ABCC4: variants seen among roughly 807,000 people sequenced by gnomAD.
ABCC4 encodes ATP-binding cassette sub-family C member 4.
ABCC4 carries 102 observed loss-of-function variants against 168.5 expected under a neutral mutation model. The ratio of observed to expected loss-of-function variants is 0.61; its 90% confidence interval spans 0.52 to 0.71. ABCC4 has a LOEUF of 0.71. Among genes scored for constraint, ABCC4 ranks in the 30% least tolerant of loss-of-function variants. The probability of loss-of-function intolerance (pLI) is 0.00; values close to 1 mark genes in which losing one functional copy is unlikely to be tolerated. For missense variants in ABCC4, 1,402 were observed against 1,605.8 expected (o/e 0.87, Z 2.17); for synonymous variants, 617 against 590.7 (o/e 1.04, Z -0.65).
intron 19 of ABCC4, among the ~76,000 whole-genome samples, chr13:95,159,472 A>C (rs997819219): frequency 6.6e-6 from 1 of 151,780 alleles, no homozygotes; most frequent in African/African-American, 2.4e-5. Flanking sequence ...TCCAAGATTT[A>C]GACTGGGTCC....
At chr13:95,092,203 C>T (rs1460209068) in intron 20 of ABCC4, among the ~76,000 whole-genome samples, 1 of 152,070 alleles carries the variant, frequency 6.6e-6, no homozygotes, top group Admixed American at 6.5e-5. Flanking sequence ...GACAGCAACA[C>T]AATAACAGTG....
intron 25 of ABCC4, among the ~76,000 whole-genome samples, chr13:95,065,339 A>T (rs953765858): frequency 6.6e-6 from 1 of 152,230 alleles, no homozygotes; most frequent in Non-Finnish European, 1.5e-5. Flanking sequence ...AAAAATAAAT[A>T]AATGCTGGCC....
chr13:95,170,942 A>C lies in ABCC4; in HGVS notation c.1728-314T>G, dbSNP rs139217238. ...ACTTAACTAAAACACTAATTATTTTATTGCCGTGTAGGATTGCAGGGGAGA... is the reference window on the plus strand; with the variant it reads ...ACTTAACTAAAACACTAATTATTTTCTTGCCGTGTAGGATTGCAGGGGAGA... On this transcript the variant is annotated intron_variant, in intron 13 of 30. Transcript: ENST00000645237. 2.7e-3 allele frequency among the ~76,000 whole-genome samples: 416 copies of C among 152,150 alleles called. 1 individual carries two copies. Among genetic ancestry groups the C allele is most frequent in the African/African-American group, 9.2e-3 (380 of 41,512 alleles).
chr13:95,120,760 C>T (rs973664701), intron 19 of ABCC4, among the ~76,000 whole-genome samples: 1 of 152,046 alleles, frequency 6.6e-6, no homozygotes, highest in African/African-American at 2.4e-5. Flanking sequence ...AGCAGTCTGT[C>T]CCAAAGAGCA....
At chr13:95,030,030 T>TCC (rs61282931) in intron 30 of ABCC4, among the ~76,000 whole-genome samples, 40 of 151,702 alleles carry the variant, frequency 2.6e-4, no homozygotes, top group Middle Eastern at 3.4e-3. Flanking sequence ...CATCCATCCA[T>TCC]ATTTTTTTGA....
chr13:95,273,416 T>A (rs1418844583), intron 1 of ABCC4, among the ~76,000 whole-genome samples: 2 of 152,152 alleles, frequency 1.3e-5, no homozygotes, highest in Non-Finnish European at 2.9e-5. Context: ...CCTGGCCCCT[T>A]CCCTCAGGTT....
intron 19 of ABCC4, among the ~76,000 whole-genome samples, chr13:95,124,926 A>T (rs2035705031): frequency 6.6e-6 from 1 of 151,780 alleles, no homozygotes; most frequent in Non-Finnish European, 1.5e-5. Context: ...ATAAAGGTAC[A>T]TCCTAACCCA....
At chr13:95,204,612 T>C (rs1283063162) in intron 8 of ABCC4, among the ~76,000 whole-genome samples, 2 of 152,222 alleles carry the variant, frequency 1.3e-5, no homozygotes, top group Non-Finnish European at 2.9e-5. Flanking sequence ...CCAACTATGC[T>C]GAACTGTGAG....
intron 14 of ABCC4, among the ~76,000 whole-genome samples, chr13:95,166,843 A>G (rs2037289264): frequency 1.3e-5 from 2 of 152,176 alleles, no homozygotes; most frequent in Admixed American, 1.3e-4. Context: ...TGTGGGAACC[A>G]GACTTGGACA....
At chr13:95,280,620 C>CAATT (rs2041096239) in intron 1 of ABCC4, among the ~76,000 whole-genome samples, 1 of 146,894 alleles carries the variant, frequency 6.8e-6, no homozygotes, top group Non-Finnish European at 1.5e-5. Flanking sequence ...AAGTCAAAGG[C>CAATT]AATTCCTTCC....
At chr13:95,226,305 G>A (rs932372073) in intron 4 of ABCC4, among the ~76,000 whole-genome samples, 2 of 151,998 alleles carry the variant, frequency 1.3e-5, no homozygotes, top group African/African-American at 4.8e-5. Context: ...AAGAAAAACA[G>A]GTTGGGTAAC....
intron 20 of ABCC4, among the ~76,000 whole-genome samples, chr13:95,088,661 A>G (rs2034334056): frequency 6.6e-6 from 1 of 152,160 alleles, no homozygotes; most frequent in East Asian, 1.9e-4. Context: ...CTTTTCAAAT[A>G]AAAGAAAATG....
chr13:95,215,589 G>T (rs1346888609), intron 4 of ABCC4, among the ~76,000 whole-genome samples: 1 of 152,142 alleles, frequency 6.6e-6, no homozygotes, highest in Admixed American at 6.5e-5. Flanking sequence ...TAGTCCTTAT[G>T]TTGGGCCGTC....
chr13:95,151,022 A>G (rs746273677), intron 19 of ABCC4, among the ~76,000 whole-genome samples: 20 of 152,246 alleles, frequency 1.3e-4, no homozygotes, highest in Non-Finnish European at 2.6e-4. Flanking sequence ...GAAATTTTAT[A>G]AAATCAAGGC....
chr13:95,034,657 A>G lies in ABCC4; in HGVS notation c.3818T>C (p.Val1273Ala), dbSNP rs762615043. 1.9e-6 allele frequency: 3 copies of G among 1,614,094 alleles called. No homozygotes were observed. In the African/African-American group the frequency reaches 4.0e-5, roughly 22 times the overall value. The part of the protein sequence containing the change: ...QNKESLFYKM[V>A]QQLGKAEAAA... ...GGCTTCTGCCTTGCCCAGTTGTTGC[A>G]CCATCTTGTAAAATAGGCTCTCTTT... Residue 1273 changes from valine (V) to alanine (A), a missense_variant, in exon 30 of 31, where the codon GTG becomes GCG. Transcript: ENST00000645237.
At chr13:95,282,707 GT>G (rs2041156503) in intron 1 of ABCC4, among the ~76,000 whole-genome samples, 2 of 151,392 alleles carry the variant, frequency 1.3e-5, no homozygotes, top group Admixed American at 6.6e-5. Flanking sequence ...GCTAATTTTT[GT>G]ATTTTTAGTA....
chr13:95,239,944 G>T (rs1253470366), intron 3 of ABCC4, among the ~76,000 whole-genome samples: 1 of 152,166 alleles, frequency 6.6e-6, no homozygotes, highest in African/African-American at 2.4e-5. Context: ...CTTAAGCAAT[G>T]ATCATGAATG....
Position 95,194,916 on chromosome 13 carries a change from T to A in ABCC4, c.1183A>T (p.Ile395Leu). The change falls in exon 9 of 31, where the codon ATA (isoleucine) becomes TTA (leucine). Residue 395 changes from isoleucine (I) to leucine (L), a missense_variant. Around this residue, in one of 3 missense-constraint regions of ABCC4, gnomAD observed 1,007 missense variants for 1,127.3 expected, o/e 0.89. Transcript: ENST00000645237. ...GGCAGCTGACGGTTGCGCTGTGATA[T>A]CTCATCAAGTAGCAAAAAGGTCTAA... ...RIQTFLLLDE[I>L]SQRNRQLPSD... is the part of the protein sequence containing the mutation. 6.2e-7 allele frequency: 1 copy of A among 1,614,078 alleles called. No homozygotes were observed. The highest frequency in any genetic ancestry group is 8.5e-7 in the Non-Finnish European group (1 of 1,179,998).
At chr13:95,157,559 AAG>A (rs1202408587) in intron 19 of ABCC4, among the ~76,000 whole-genome samples, 1 of 151,902 alleles carries the variant, frequency 6.6e-6, no homozygotes, top group East Asian at 1.9e-4. Context: ...AGAAAAGAGA[AAG>A]AGAGAGAGAA....
Sources: gnomAD v4.1 joint callset for allele counts (sites outside exome capture counted in the v4.1 genomes callset) on GRCh38, gnomAD v4.1.1 for gene constraint, gnomAD v4.1.1 regional missense constraint, MANE v1.5 for transcripts, NCBI Gene and HGNC (gene_info 2026-07-23, HGNC 2026-07-21) for gene names.